The following TANK variants were observed in gnomAD, a reference collection of about 807,000 sequenced individuals.
TANK encodes the protein TRAF family member-associated NF-kappa-B activator.
In TANK, 15 loss-of-function variants were observed where a neutral mutation model predicts 43.6. That is an observed-to-expected ratio of 0.34 (90% CI 0.23 to 0.53). The LOEUF is 0.53. Ranked by LOEUF, TANK falls within the 20% of genes least tolerant of loss-of-function variation. TANK has a pLI of 0.94. For synonymous variants in TANK, 162 were observed against 178.2 expected (o/e 0.91, Z 0.73); for missense variants, 417 against 498.6 (o/e 0.84, Z 1.56).
intron 1 of TANK, chr2:161,161,317 G>A (rs1272276488): frequency 6.4e-7 from 1 of 1,550,682 alleles, no homozygotes; most frequent in Admixed American, 2.0e-5. Context: ...ATAAGGGAGA[G>A]ATGGTAGTAA....
intron 1 of TANK, among the ~76,000 whole-genome samples, chr2:161,170,606 C>T (rs1430580242): frequency 6.6e-6 from 1 of 152,176 alleles, no homozygotes; most frequent in Non-Finnish European, 1.5e-5. Flanking sequence ...TTAAATCCAT[C>T]TTACATCTCC....
chr2:161,185,990 T>C lies in TANK; in HGVS notation c.99+6229T>C, dbSNP rs186042581. 9.1e-4 allele frequency among the ~76,000 whole-genome samples: 139 copies of C among 152,316 alleles called. 1 individual carries two copies. The highest frequency in any genetic ancestry group is 2.1e-4 in the Non-Finnish European group (14 of 68,022). ...CTACTCAAAATTTTTCAGTGATTTC[T>C]ATAAAATAAAAGCCAAAATTATGAA... On this transcript the variant is annotated intron_variant, in intron 2 of 7. Coordinates refer to ENST00000392749, the MANE Select transcript of TANK (RefSeq NM_001199135.3).
chr2:161,166,836 C>CT (rs1319622760), intron 1 of TANK, among the ~76,000 whole-genome samples: 1 of 152,148 alleles, frequency 6.6e-6, no homozygotes, highest in Non-Finnish European at 1.5e-5. Context: ...CAGAATTTGT[C>CT]TTTCATTCAC....
chr2:161,214,513 G>GT (rs34231998), intron 4 of TANK, among the ~76,000 whole-genome samples: 122,198 of 147,230 alleles, frequency 0.83, 50,628 homozygotes, highest in East Asian at 0.99. Context: ...TTTTTTGCTG[G>GT]TTTTTTTTTT....
At chr2:161,200,270 G>A (rs1345532894) in intron 2 of TANK, 2 of 797,404 alleles carry the variant, frequency 2.5e-6, no homozygotes, top group East Asian at 2.5e-4. Context: ...TGGGGTCTTT[G>A]ATAGTGCTAG....
intron 6 of TANK, among the ~76,000 whole-genome samples, chr2:161,230,650 A>G (rs1687862902): frequency 6.6e-6 from 1 of 152,232 alleles, no homozygotes. Flanking sequence ...GTTACTGACA[A>G]AATGTTTAAA....
intron 4 of TANK, among the ~76,000 whole-genome samples, chr2:161,206,607 A>G (rs1686665211): frequency 1.3e-5 from 2 of 152,212 alleles, no homozygotes; most frequent in African/African-American, 2.4e-5. Flanking sequence ...TGAGTCATTC[A>G]GTTTTCTTCA....
chr2:161,152,149 T>G (rs907923021), intron 1 of TANK, among the ~76,000 whole-genome samples: 7 of 152,170 alleles, frequency 4.6e-5, no homozygotes, highest in Non-Finnish European at 8.8e-5. Flanking sequence ...TAAGGATTTG[T>G]CTTTTAAATC....
chr2:161,143,142 G>C (rs138280809), intron 1 of TANK, among the ~76,000 whole-genome samples: 1 of 151,954 alleles, frequency 6.6e-6, no homozygotes. Context: ...TTGGTGTATA[G>C]GAATGCTTGT....
At chr2:161,204,138 T>C (rs549395009) in intron 3 of TANK, among the ~76,000 whole-genome samples, 7 of 152,298 alleles carry the variant, frequency 4.6e-5, no homozygotes, top group African/African-American at 1.7e-4. Flanking sequence ...AAGTGTTTTT[T>C]TCATTTATGC....
chr2:161,164,727 AT>A (rs2105257842), intron 1 of TANK, among the ~76,000 whole-genome samples: 2 of 152,338 alleles, frequency 1.3e-5, no homozygotes, highest in Admixed American at 1.3e-4. Context: ...AGCTTTTTAA[AT>A]TGTGGTAAAA....
At chr2:161,171,344 C>T (rs1161097917) in intron 1 of TANK, among the ~76,000 whole-genome samples, 1 of 152,176 alleles carries the variant, frequency 6.6e-6, no homozygotes, top group African/African-American at 2.4e-5. Flanking sequence ...TAAACATCTT[C>T]AGAATGGCTG....
In TANK at chr2:161,164,946, T is replaced by C. The variant is rs145955781; in HGVS notation, c.-50+4460T>C. On this transcript the variant is annotated intron_variant, in intron 1 of 7. Transcript: ENST00000392749. ...CAGTAACTTTTTACCTTCAGAGATA[T>C]ATTCTCTATAAATGGTAATTATCAG... is the stretch of plus-strand genomic sequence containing the variant. Among the ~76,000 whole-genome samples the C allele has an allele frequency of 8.6e-3, 1,311 of 152,166 alleles. 13 individuals are homozygous for C. Among genetic ancestry groups the C allele is most frequent in the Non-Finnish European group, 0.01 (702 of 67,976 alleles).
chr2:161,148,873 C>T (rs1423216688), intron 1 of TANK, among the ~76,000 whole-genome samples: 1 of 152,090 alleles, frequency 6.6e-6, no homozygotes, highest in Non-Finnish European at 1.5e-5. Context: ...TATGCTAGTG[C>T]CATGCTGTTT....
intron 4 of TANK, among the ~76,000 whole-genome samples, chr2:161,221,729 C>G (rs1250018096): frequency 6.6e-6 from 1 of 150,806 alleles, no homozygotes; most frequent in Non-Finnish European, 1.5e-5. Flanking sequence ...TCTTGGGTAC[C>G]GGGAACTCAG....
intron 2 of TANK, chr2:161,200,475 A>G: frequency 1.0e-6 from 1 of 961,756 alleles, no homozygotes. Flanking sequence ...TCTACTGGTT[A>G]TTTCCCAGTT....
chr2:161,217,093 T>G (rs994091617), intron 4 of TANK, among the ~76,000 whole-genome samples: 2 of 152,212 alleles, frequency 1.3e-5, no homozygotes, highest in Admixed American at 1.3e-4. Context: ...TTTTGTTTGT[T>G]TATTTTAAGA....
chr2:161,191,433 C>A (rs1242328884), intron 2 of TANK, among the ~76,000 whole-genome samples: 1 of 152,130 alleles, frequency 6.6e-6, no homozygotes, highest in African/African-American at 2.4e-5. Flanking sequence ...GCATGCTAAT[C>A]TGAAAAAGGT....
At position 161,161,148 on chromosome 2, in the gene TANK, A is replaced by G. The variant is rs1471327777; in HGVS notation, c.-50+662A>G. 5 of 1,396,156 alleles carry G rather than the reference A, an allele frequency of 3.6e-6. No homozygotes were observed. The Admixed American group carries it at 1.1e-4, about 30-fold the overall frequency. The allele number at this position is 1,396,156 out of a possible 1,614,324, so 86.5% of individuals were successfully genotyped here. ...TGTAAACTGACTAGCAACGAGTTACAGGCAAAAAAGCTGTGCTTTTCTAGA... is the reference window on the plus strand; with the variant it reads ...TGTAAACTGACTAGCAACGAGTTACGGGCAAAAAAGCTGTGCTTTTCTAGA... On this transcript the variant is annotated intron_variant, in intron 1 of 7. Transcript: ENST00000392749.
Sources: gnomAD v4.1 joint callset for allele counts (sites outside exome capture counted in the v4.1 genomes callset) on GRCh38, gnomAD v4.1.1 for gene constraint, MANE v1.5 for transcripts, NCBI Gene and HGNC (gene_info 2026-07-23, HGNC 2026-07-21) for gene names.